SH2B1: variants seen among roughly 807,000 people sequenced by gnomAD.
SH2B1 encodes the protein SH2B adapter protein 1.
In SH2B1, 15 loss-of-function variants were observed where a neutral mutation model predicts 62.6. That is an observed-to-expected ratio of 0.24 (90% CI 0.16 to 0.37). The LOEUF (loss-of-function observed/expected upper bound fraction) is 0.37. Ranked by LOEUF, SH2B1 falls within the 10% of genes least tolerant of loss-of-function variation. The pLI, the probability that SH2B1 is intolerant of heterozygous loss-of-function variation, is 1.00. For missense variants in SH2B1, 925 were observed against 1,015.6 expected, an observed-to-expected ratio of 0.91 and a Z score of 1.21; for synonymous variants, 443 against 438.0, an observed-to-expected ratio of 1.01 and a Z score of -0.14.
intron 2 of SH2B1, 125 bp downstream of exon 2, chr16:28,867,557 C>T (rs914818365): frequency 4.3e-6 from 3 of 702,778 alleles, no homozygotes; most frequent in Non-Finnish European, 5.1e-6. Context: ...AGAGTGTGTC[C>T]CTGGGGCTGC....
upstream of SH2B1, chr16:28,863,436 C>T (rs777760873): frequency 8.1e-5 from 38 of 468,592 alleles, no homozygotes; most frequent in Non-Finnish European, 3.4e-5. Flanking sequence ...TCCGCGTGCC[C>T]CTCCACAGCG....
At chr16:28,861,778 T>G (rs1402327274), upstream of SH2B1, 1 of 152,216 alleles carries the variant, frequency 6.6e-6, no homozygotes, top group Non-Finnish European at 1.5e-5. Flanking sequence ...CTTCCCCTCT[T>G]GGGTTATTTA....
At chr16:28,855,070 C>T (rs1596612743) in intron 1 of SH2B1, among the ~76,000 whole-genome samples, 1 of 151,996 alleles carries the variant, frequency 6.6e-6, no homozygotes, top group African/African-American at 2.4e-5. Context: ...GACAGGGTAT[C>T]ACCATGTTGG....
rs779983048 is a variant in SH2B1 at position 28,866,065 on chromosome 16, G to C, written c.-30G>C. 1.3e-6 allele frequency: 2 copies of C among 1,513,138 alleles called. No homozygotes were observed. Among genetic ancestry groups the C allele is most frequent in the African/African-American group, 1.4e-5 (1 of 71,952 alleles). The allele number at this position is 1,513,138 out of a possible 1,614,324, so 93.7% of individuals were successfully genotyped here. On this transcript the variant is annotated 5_prime_UTR_variant, in exon 1 of 8. Coordinates refer to ENST00000684370, the MANE Select transcript of SH2B1 (RefSeq NM_001387430.1). This position sits in a 1 kb window ranked among gnomAD's most constrained non-coding sequence, Gnocchi z 6.3. ...CTGCCTCCCTCTTTGTGCCCCACAG[G>C]CTCCCCCTCTCCACCTCCTGGGGCC...
upstream of SH2B1, chr16:28,863,554 C>A: frequency 2.2e-6 from 2 of 896,942 alleles, no homozygotes; most frequent in Admixed American, 2.7e-5. Context: ...GGGACTCTAT[C>A]CCCTAAGGCC....
At chr16:28,871,555 G>A (rs1162053513) in intron 4 of SH2B1, among the ~76,000 whole-genome samples, 2 of 152,194 alleles carry the variant, frequency 1.3e-5, no homozygotes, top group East Asian at 3.9e-4. Flanking sequence ...GAGACACATT[G>A]GGACTTTAGA....
rs1244172103 is a variant in SH2B1, at chr16:28,871,970, G to A, written c.1500G>A (p.Pro500=). The part of the protein sequence containing the change: ...LSAPYPPLDT[P]ETATGSFLFQ... ...CCCCCTACCCTCCCTTGGACACTCC[G>A]GAAACAGCCACAGGTACCGGAGGTG... is the stretch of plus-strand genomic sequence containing the variant. The change falls in exon 5 of 8, where the codon CCG becomes CCA. Residue 500 remains proline (P), a synonymous_variant. Transcript: ENST00000684370. 15 of 1,600,882 alleles carry A rather than the reference G, an allele frequency of 9.4e-6. No individual in the cohort carries two copies. Among genetic ancestry groups the A allele is most frequent in the Admixed American group, 5.0e-5 (3 of 59,512 alleles).
At chr16:28,860,399 G>A (rs568269456), upstream of SH2B1, among the ~76,000 whole-genome samples, 41 of 151,826 alleles carry the variant, frequency 2.7e-4, no homozygotes, top group Non-Finnish European at 5.4e-4. Flanking sequence ...TTACAGGTGC[G>A]TGCCACCACG....
Position 28,866,731 on chromosome 16 carries a change from C to A in SH2B1, c.637C>A (p.Leu213Met). The change falls in exon 1 of 8, where the codon CTG becomes ATG. Residue 213 changes from leucine (L) to methionine (M), a missense_variant. Transcript: ENST00000684370. The surrounding 1 kb of genome is among the most constrained non-coding windows in gnomAD (Gnocchi z 6.3). ...SGGAGTVGRG[L>M]VSDGTSPGER... ...CGGGGCTGGGACCGTTGGTAGGGGA[C>A]TGGTCAGTGATGGAACGTCCCCTGG... 1 of 1,583,840 alleles carries A rather than the reference C, an allele frequency of 6.3e-7. No individual in the cohort carries two copies. The highest frequency in any genetic ancestry group is 8.6e-7 in the Non-Finnish European group (1 of 1,165,220).
chr16:28,852,053 T>C (rs1962110287), intron 1 of SH2B1, among the ~76,000 whole-genome samples: 1 of 143,918 alleles, frequency 6.9e-6, no homozygotes, highest in Admixed American at 7.0e-5. Context: ...GGCGACAGAG[T>C]GAGACTCTGT....
At position 28,865,699 on chromosome 16, in the gene SH2B1, A is replaced by T; in HGVS notation, c.-396A>T. 2.0e-6 allele frequency: 2 copies of T among 1,012,488 alleles called. No homozygotes were observed. Among genetic ancestry groups the T allele is most frequent in the Non-Finnish European group, 2.4e-6 (2 of 848,536 alleles). The allele number at this position is 1,012,488 out of a possible 1,614,324, so 62.7% of individuals were successfully genotyped here. On this transcript the variant is annotated 5_prime_UTR_variant, in exon 1 of 8. Transcript: ENST00000684370. ...ATGAATATTGGAGGATCCGATGTAG[A>T]GGGGGGGTGATCTGGAAAAGTTCCC...
intron 1 of SH2B1, among the ~76,000 whole-genome samples, chr16:28,850,564 T>C (rs1262452666): frequency 6.8e-6 from 1 of 147,518 alleles, no homozygotes; most frequent in Non-Finnish European, 1.5e-5. Flanking sequence ...AGACCACGTC[T>C]CTAAAACAAA....
In SH2B1 at chr16:28,864,702, A is replaced by C. The variant is rs1349266178; in HGVS notation, c.-1393A>C. On this transcript the variant is annotated 5_prime_UTR_variant, in exon 1 of 8. Coordinates refer to ENST00000684370, the MANE Select transcript of SH2B1 (RefSeq NM_001387430.1). ...GTATTGCGTGGCGGGAGGAGCGCTA[A>C]CAAGAGCCAAGGGTTGTAAATTCCA... 1.0e-6 allele frequency: 1 copy of C among 980,278 alleles called. No individual in the cohort carries two copies. The highest frequency in any genetic ancestry group is 1.1e-4 in the East Asian group (1 of 8,778). 60.7% of individuals were successfully genotyped at this position (980,278 alleles called of 1,614,324 possible). A position where few individuals can be genotyped will look rare whatever the true frequency, so the allele number is the denominator to read the frequency against.
rs749623237 is a variant in SH2B1 at position 28,872,783 on chromosome 16, G to A, written c.1897+78G>A. ...GGTGTGTGTGCCAGAAAGATGGGGC[G>A]GGGAGGGGGGACTATCACAAGGAGA... On this transcript the variant is annotated intron_variant, in intron 7 of 7. Transcript: ENST00000684370. The surrounding 1 kb of genome is among the most constrained non-coding windows in gnomAD (Gnocchi z 5.3). 2.7e-5 allele frequency: 42 copies of A among 1,544,764 alleles called. No individual in the cohort carries two copies. The highest frequency in any genetic ancestry group is 2.2e-4 in the South Asian group (19 of 87,322).
chr16:28,852,445 T>C (rs1446291581), intron 1 of SH2B1, among the ~76,000 whole-genome samples: 9 of 70,518 alleles, frequency 1.3e-4, no homozygotes, highest in Non-Finnish European at 1.8e-4. Flanking sequence ...TTTATATATA[T>C]ATTTACATAT....
chr16:28,847,042 CCT>C (rs946145678), intron 1 of SH2B1, among the ~76,000 whole-genome samples: 1 of 152,182 alleles, frequency 6.6e-6, no homozygotes, highest in African/African-American at 2.4e-5. Flanking sequence ...TACTGCTAGA[CCT>C]CACAGGGCCA....
chr16:28,865,985 G>A lies in SH2B1; in HGVS notation c.-110G>A, dbSNP rs765816922. ...CGGTGCGCCCTCAGCAGTGACCCTC[G>A]TGTGTGCCTCTCTCTTCCTTTCGCA... On this transcript the variant is annotated 5_prime_UTR_variant, in exon 1 of 8. In the 5' UTR this introduces an upstream ATG that the reference lacks. Transcript: ENST00000684370. 31 of 1,493,732 alleles carry A rather than the reference G, an allele frequency of 2.1e-5. No homozygotes were observed. The highest frequency in any genetic ancestry group is 2.7e-5 in the Non-Finnish European group (31 of 1,130,974). 92.5% of individuals were successfully genotyped at this position (1,493,732 alleles called of 1,614,324 possible).
At chr16:28,868,410 G>T (rs1168543511) in intron 2 of SH2B1, among the ~76,000 whole-genome samples, 2 of 152,054 alleles carry the variant, frequency 1.3e-5, no homozygotes, top group Non-Finnish European at 2.9e-5. Context: ...AAAGTGCTGG[G>T]ATTATAGGCG....
upstream of SH2B1, among the ~76,000 whole-genome samples, chr16:28,859,969 G>A (rs1254050078): frequency 1.3e-5 from 2 of 150,710 alleles, no homozygotes; most frequent in Non-Finnish European, 2.9e-5. Flanking sequence ...TGCTTATGAG[G>A]AAGAAGGGTT....
Sources: allele counts gnomAD v4.1 joint callset (sites outside exome capture counted in the v4.1 genomes callset), GRCh38; gene constraint gnomAD v4.1.1; non-coding constraint Gnocchi (gnomAD v3.1); transcripts MANE v1.5; gene names NCBI Gene and HGNC (gene_info 2026-07-23, HGNC 2026-07-21).